The following CDH4 variants were observed in gnomAD, a reference collection of about 807,000 sequenced individuals.
CDH4 encodes the protein cadherin 4.
CDH4 carries 33 observed loss-of-function variants against 86.0 expected under a neutral mutation model. That is an observed-to-expected ratio of 0.38 (90% CI 0.29 to 0.51). CDH4 has a LOEUF of 0.51. CDH4 is among the 20% of genes least tolerant of loss of function. CDH4 has a pLI of 0.86. For synonymous variants in CDH4, 555 were observed against 549.4 expected (o/e 1.01, Z -0.14); for missense variants, 1,114 against 1,307.4 (o/e 0.85, Z 2.28).
At chr20:61,894,872 GATT>G in intron 7 of CDH4, 35 bp from the exon 8 acceptor site, 1 of 1,589,498 alleles carries the variant, frequency 6.3e-7, no homozygotes, top group Non-Finnish European at 8.6e-7. Context: ...AACCCAAACT[GATT>G]TTCTGTTCTT....
intron 2 of CDH4, among the ~76,000 whole-genome samples, chr20:61,359,561 A>AT (rs2123316271): frequency 6.6e-6 from 1 of 152,322 alleles, no homozygotes; most frequent in East Asian, 1.9e-4. Flanking sequence ...CCACAAAGTG[A>AT]TACATGAAGC....
chr20:61,619,501 G>A (rs1266572137), intron 2 of CDH4, among the ~76,000 whole-genome samples: 2 of 152,222 alleles, frequency 1.3e-5, no homozygotes, highest in Non-Finnish European at 1.5e-5. Flanking sequence ...TTGGCACAGA[G>A]TGAGAGCTTC....
At chr20:61,487,797 A>C (rs990532325) in intron 2 of CDH4, among the ~76,000 whole-genome samples, 1 of 152,244 alleles carries the variant, frequency 6.6e-6, no homozygotes, top group African/African-American at 2.4e-5. Flanking sequence ...GGACTTGTCA[A>C]CACGCCAGTC....
chr20:61,275,135 G>A (rs1256688673), intron 2 of CDH4, among the ~76,000 whole-genome samples: 1 of 129,320 alleles, frequency 7.7e-6, no homozygotes, highest in Non-Finnish European at 1.6e-5. Flanking sequence ...GGAGTACTGT[G>A]TGCAGTTTGG....
intron 2 of CDH4, among the ~76,000 whole-genome samples, chr20:61,465,453 A>G (rs2085466991): frequency 6.6e-6 from 1 of 152,092 alleles, no homozygotes. Context: ...TTTACCCGTG[A>G]TAGTCAAGTT....
chr20:61,468,399 A>G (rs1014073773), intron 2 of CDH4, among the ~76,000 whole-genome samples: 5 of 151,906 alleles, frequency 3.3e-5, no homozygotes, highest in Non-Finnish European at 7.4e-5. Flanking sequence ...GCTTTTTAAC[A>G]TTTTTTTATT....
chr20:61,669,751 G>A (rs1485501150), intron 2 of CDH4, among the ~76,000 whole-genome samples: 2 of 152,110 alleles, frequency 1.3e-5, no homozygotes, highest in Admixed American at 6.5e-5. Context: ...CGTACCCTCC[G>A]CTACAAAAGA....
At chr20:61,372,975 A>G (rs1396087871) in intron 2 of CDH4, among the ~76,000 whole-genome samples, 2 of 152,160 alleles carry the variant, frequency 1.3e-5, no homozygotes, top group African/African-American at 2.4e-5. Flanking sequence ...TTCACACGAT[A>G]CTTCAGATTT....
chr20:61,873,086 C>T (rs1319939572), intron 6 of CDH4, among the ~76,000 whole-genome samples: 1 of 152,204 alleles, frequency 6.6e-6, no homozygotes, highest in East Asian at 1.9e-4. Flanking sequence ...AACTGAGGCA[C>T]CAAGCTGAGA....
At chr20:61,564,544 C>T (rs996946909) in intron 2 of CDH4, among the ~76,000 whole-genome samples, 3 of 152,158 alleles carry the variant, frequency 2.0e-5, no homozygotes, top group Non-Finnish European at 4.4e-5. Context: ...ATGTGATGCC[C>T]TGGCTCCGCT....
chr20:61,284,058 G>C (rs1305017569), intron 2 of CDH4, among the ~76,000 whole-genome samples: 2 of 151,806 alleles, frequency 1.3e-5, no homozygotes, highest in African/African-American at 4.8e-5. Context: ...TGTAATCCCA[G>C]CACTTTGGAG....
chr20:61,474,673 T>TA (rs1167304216), intron 2 of CDH4, among the ~76,000 whole-genome samples: 1 of 152,134 alleles, frequency 6.6e-6, no homozygotes, highest in East Asian at 1.9e-4. Flanking sequence ...ACCCTTTCTT[T>TA]AAAATGTAAT....
chr20:61,295,271 G>GT (rs2084345930), intron 2 of CDH4, among the ~76,000 whole-genome samples: 1 of 152,192 alleles, frequency 6.6e-6, no homozygotes, highest in African/African-American at 2.4e-5. Flanking sequence ...GTTTACTGAT[G>GT]TTTTACATGT....
At chr20:61,265,433 G>C (rs2084153096) in intron 2 of CDH4, among the ~76,000 whole-genome samples, 1 of 149,600 alleles carries the variant, frequency 6.7e-6, no homozygotes, top group South Asian at 2.1e-4. Flanking sequence ...CCTTCATTCA[G>C]TCCTACACGG....
intron 2 of CDH4, among the ~76,000 whole-genome samples, chr20:61,319,799 AC>A (rs1305969776): frequency 2.0e-5 from 3 of 148,920 alleles, no homozygotes; most frequent in Admixed American, 6.7e-5. Flanking sequence ...AAAAAAAAAA[AC>A]AAAATTAACC....
chr20:61,770,961 C>T (rs1274091527), intron 3 of CDH4, among the ~76,000 whole-genome samples: 1 of 150,246 alleles, frequency 6.7e-6, no homozygotes, highest in Non-Finnish European at 1.5e-5. Flanking sequence ...CAGAGAAAAC[C>T]AGTGTGTGCA....
intron 2 of CDH4, chr20:61,570,177 A>G (rs960382538): frequency 6.3e-6 from 1 of 159,376 alleles, no homozygotes; most frequent in African/African-American, 2.4e-5. Flanking sequence ...AAGGTTCTGG[A>G]GAAGGCATTG....
intron 2 of CDH4, among the ~76,000 whole-genome samples, chr20:61,474,792 T>G (rs1279024277): frequency 1.3e-5 from 2 of 152,230 alleles, no homozygotes; most frequent in Non-Finnish European, 2.9e-5. Flanking sequence ...AGGAAATCCC[T>G]GCTGTGGCAG....
intron 2 of CDH4, among the ~76,000 whole-genome samples, chr20:61,576,371 T>G (rs533954897): frequency 6.6e-6 from 1 of 152,226 alleles, no homozygotes; most frequent in Non-Finnish European, 1.5e-5. Flanking sequence ...AAAGGTTCCT[T>G]GTGCTGAGAA....
Sources: allele counts gnomAD v4.1 joint callset (sites outside exome capture counted in the v4.1 genomes callset), GRCh38; gene constraint gnomAD v4.1.1; transcripts MANE v1.5; gene names NCBI Gene and HGNC (gene_info 2026-07-23, HGNC 2026-07-21).